ITFG1: variants seen among roughly 807,000 people sequenced by gnomAD.
ITFG1 encodes the protein T-cell immunomodulatory protein.
ITFG1 carries 34 observed loss-of-function variants against 81.8 expected under a neutral mutation model. The ratio of observed to expected loss-of-function variants is 0.42; its 90% confidence interval spans 0.32 to 0.55. ITFG1 has a LOEUF of 0.55. Among genes scored for constraint, ITFG1 ranks in the 20% least tolerant of loss-of-function variants. The pLI is 0.17. For synonymous variants in ITFG1, 285 were observed against 270.6 expected (o/e 1.05, Z -0.52); for missense variants, 672 against 755.4 (o/e 0.89, Z 1.29).
intron 13 of ITFG1, among the ~76,000 whole-genome samples, chr16:47,232,981 G>C (rs981592610): frequency 1.3e-5 from 2 of 151,880 alleles, no homozygotes; most frequent in Non-Finnish European, 2.9e-5. Context: ...CATAGATTTT[G>C]CAAATTTTTA....
chr16:47,429,763 A>T (rs1969069502), intron 5 of ITFG1, among the ~76,000 whole-genome samples: 1 of 152,050 alleles, frequency 6.6e-6, no homozygotes, highest in African/African-American at 2.4e-5. Flanking sequence ...CCATTCTTAA[A>T]TTGTGTTATG....
Position 47,460,968 on chromosome 16 carries a change from G to C in ITFG1, c.78C>G (p.Val26=), listed in dbSNP as rs763252940. 1 of 1,601,408 alleles carries C rather than the reference G, an allele frequency of 6.2e-7. No individual in the cohort carries two copies. The highest frequency in any genetic ancestry group is 8.5e-7 in the Non-Finnish European group (1 of 1,174,214). ...GCAGCGCCCGCGCTGGGACCGGCCC[G>C]ACTCCCAGTAGTGCAAGCCCTGCGA... is the stretch of plus-strand genomic sequence containing the variant. ...PLLAGLALLG[V]GPVPARALHN... is the part of the protein sequence containing the mutation. The change falls in exon 1 of 18, where the codon GTC becomes GTG. Residue 26 remains valine (V), a synonymous_variant. Coordinates refer to ENST00000320640, the MANE Select transcript of ITFG1 (RefSeq NM_030790.5).
chr16:47,407,609 C>T (rs777033920), intron 6 of ITFG1, among the ~76,000 whole-genome samples: 15 of 152,214 alleles, frequency 9.9e-5, no homozygotes, highest in East Asian at 1.9e-4. Context: ...GGCCTCCGAA[C>T]GTGTTGGGAT....
intron 14 of ITFG1, among the ~76,000 whole-genome samples, chr16:47,163,742 A>G (rs1418914168): frequency 6.6e-6 from 1 of 152,114 alleles, no homozygotes; most frequent in African/African-American, 2.4e-5. Flanking sequence ...GCAATGGATA[A>G]TGGTTCAAAT....
chr16:47,393,359 A>G (rs1191141297), intron 6 of ITFG1, among the ~76,000 whole-genome samples: 1 of 152,146 alleles, frequency 6.6e-6, no homozygotes. Context: ...ACCATACACT[A>G]TCCAAGGGGC....
At chr16:47,190,183 T>G (rs1449291188) in intron 14 of ITFG1, among the ~76,000 whole-genome samples, 1 of 152,136 alleles carries the variant, frequency 6.6e-6, no homozygotes, top group Non-Finnish European at 1.5e-5. Context: ...AATGGTCATT[T>G]CACTTATAAG....
chr16:47,178,287 AGTTTCCAAT>A (rs1184249560), intron 14 of ITFG1, among the ~76,000 whole-genome samples: 1 of 152,222 alleles, frequency 6.6e-6, no homozygotes, highest in Non-Finnish European at 1.5e-5. Context: ...GGGAAAATCT[AGTTTCCAAT>A]GTGAGTGGAT....
At chr16:47,291,113 TTCTC>T (rs971864256) in intron 10 of ITFG1, among the ~76,000 whole-genome samples, 73 of 151,874 alleles carry the variant, frequency 4.8e-4, no homozygotes, top group Middle Eastern at 3.4e-3. Flanking sequence ...AAGACATTAT[TTCTC>T]TCTCTCTCTG....
At chr16:47,315,676 C>T (rs577719256) in intron 8 of ITFG1, among the ~76,000 whole-genome samples, 2 of 151,778 alleles carry the variant, frequency 1.3e-5, no homozygotes, top group East Asian at 3.9e-4. Flanking sequence ...TAATCATGCA[C>T]TTTAGTATAA....
At chr16:47,422,252 C>A (rs1968960161) in intron 6 of ITFG1, among the ~76,000 whole-genome samples, 1 of 152,214 alleles carries the variant, frequency 6.6e-6, no homozygotes, top group African/African-American at 2.4e-5. Flanking sequence ...GGAATCACCA[C>A]ACTGTCTTCC....
At chr16:47,308,160 C>G (rs1383553185) in intron 10 of ITFG1, among the ~76,000 whole-genome samples, 1 of 152,120 alleles carries the variant, frequency 6.6e-6, no homozygotes, top group Non-Finnish European at 1.5e-5. Context: ...TGGGTATATA[C>G]CCAGTAATGG....
intron 8 of ITFG1, among the ~76,000 whole-genome samples, chr16:47,349,647 T>C (rs572121987): frequency 6.6e-6 from 1 of 152,134 alleles, no homozygotes; most frequent in African/African-American, 2.4e-5. Flanking sequence ...GTTAAACAGA[T>C]CAATGAGAGA....
intron 8 of ITFG1, chr16:47,317,899 T>C (rs1053266203): frequency 3.3e-5 from 5 of 152,244 alleles, no homozygotes; most frequent in Admixed American, 6.5e-5. Flanking sequence ...ATCTTCTACA[T>C]AATCTCATGT....
intron 10 of ITFG1, among the ~76,000 whole-genome samples, chr16:47,302,423 T>C (rs1967090874): frequency 1.3e-5 from 2 of 152,168 alleles, no homozygotes; most frequent in South Asian, 2.1e-4. Flanking sequence ...ACATAGTATA[T>C]TTAAATGATT....
At chr16:47,400,772 T>C (rs909663187) in intron 6 of ITFG1, among the ~76,000 whole-genome samples, 1 of 152,000 alleles carries the variant, frequency 6.6e-6, no homozygotes, top group Non-Finnish European at 1.5e-5. Flanking sequence ...GGAAACAGCA[T>C]GTAAGCTCCA....
At chr16:47,229,962 A>G (rs767596927) in intron 13 of ITFG1, among the ~76,000 whole-genome samples, 8 of 152,202 alleles carry the variant, frequency 5.3e-5, no homozygotes, top group Non-Finnish European at 1.2e-4. Context: ...GTATATTGTT[A>G]TAACTGTTCT....
intron 5 of ITFG1, chr16:47,449,997 A>G (rs1969368757): frequency 6.6e-6 from 1 of 152,246 alleles, no homozygotes; most frequent in Non-Finnish European, 1.5e-5. Flanking sequence ...AAGTTACCAC[A>G]AAATAAAACA....
At chr16:47,190,082 G>A (rs1174308701) in intron 14 of ITFG1, among the ~76,000 whole-genome samples, 3 of 152,046 alleles carry the variant, frequency 2.0e-5, no homozygotes, top group African/African-American at 7.2e-5. Flanking sequence ...GAACAATGTT[G>A]TAAAAATGAG....
intron 8 of ITFG1, among the ~76,000 whole-genome samples, chr16:47,352,262 T>C (rs1967970704): frequency 6.6e-6 from 1 of 151,988 alleles, no homozygotes. Context: ...ACCATCAGAG[T>C]GAACAGGCAA....
Sources: allele counts gnomAD v4.1 joint callset (sites outside exome capture counted in the v4.1 genomes callset), GRCh38; gene constraint gnomAD v4.1.1; transcripts MANE v1.5; gene names NCBI Gene and HGNC (gene_info 2026-07-23, HGNC 2026-07-21).